Variants in SPATA13 observed in about 807,000 individuals in gnomAD.
The protein encoded by SPATA13 is spermatogenesis-associated protein 13.
Under a neutral mutation model 104.0 loss-of-function variants are expected in SPATA13, and 50 were observed. The observed-to-expected ratio is 0.48, with a 90% confidence interval of 0.38 to 0.61. The LOEUF is 0.61. Among genes scored for constraint, SPATA13 ranks in the 20% least tolerant of loss-of-function variants. The probability of loss-of-function intolerance (pLI) is 0.00; values close to 1 mark genes in which losing one functional copy is unlikely to be tolerated. For missense variants in SPATA13, 1,524 were observed against 1,690.6 expected (o/e 0.90, Z 1.73); for synonymous variants, 606 against 667.5 (o/e 0.91, Z 1.42).
chr13:24,032,395 A>C lies in SPATA13; in HGVS notation c.-112+14694A>C, dbSNP rs80301290. ...CTGTGATGTAACAAGTGTCATGGGA[A>C]TATTTCTTCTTAAACAGTCCACATG... On this transcript the variant is annotated intron_variant, in intron 3 of 14. Coordinates refer to the SPATA13 transcript ENST00000424834. Among the ~76,000 whole-genome samples, 1,362 of 152,336 alleles carry C rather than the reference A, an allele frequency of 8.9e-3. 23 individuals are homozygous for C. Among genetic ancestry groups the C allele is most frequent in the East Asian group, 0.077 (399 of 5,186 alleles).
At chr13:23,998,855 G>A (rs1875814575) in intron 2 of SPATA13, among the ~76,000 whole-genome samples, 1 of 151,246 alleles carries the variant, frequency 6.6e-6, no homozygotes, top group Non-Finnish European at 1.5e-5. Context: ...AATTATCTTT[G>A]CATTTTCATT....
intron 3 of SPATA13, among the ~76,000 whole-genome samples, chr13:24,073,072 A>G (rs1484852013): frequency 6.6e-6 from 1 of 152,086 alleles, no homozygotes; most frequent in South Asian, 2.1e-4. Flanking sequence ...GATAATGTCC[A>G]GTTTTTTTAA....
intron 2 of SPATA13, among the ~76,000 whole-genome samples, chr13:24,238,497 G>A (rs1321218460): frequency 6.6e-6 from 1 of 152,010 alleles, no homozygotes; most frequent in African/African-American, 2.4e-5. Context: ...GGCTGGTTGG[G>A]ATGGGCTAGT....
At chr13:24,067,497 T>C (rs907052389) in intron 3 of SPATA13, among the ~76,000 whole-genome samples, 25 of 152,308 alleles carry the variant, frequency 1.6e-4, no homozygotes, top group Admixed American at 4.6e-4. Context: ...ACATCAAAAA[T>C]ACAAGTAGAT....
chr13:24,121,512 A>G (rs1054056284), intron 3 of SPATA13, among the ~76,000 whole-genome samples: 5 of 152,202 alleles, frequency 3.3e-5, no homozygotes, highest in African/African-American at 1.2e-4. Context: ...AATGACCAAT[A>G]ATCTACATAG....
At chr13:24,019,598 T>C (rs1171502513) in intron 3 of SPATA13, among the ~76,000 whole-genome samples, 3 of 152,224 alleles carry the variant, frequency 2.0e-5, no homozygotes, top group Non-Finnish European at 1.5e-5. Flanking sequence ...GAGCAGAATA[T>C]TACTAGTGCA....
intron 3 of SPATA13, among the ~76,000 whole-genome samples, chr13:24,055,701 C>T (rs781272100): frequency 6.6e-6 from 1 of 152,180 alleles, no homozygotes; most frequent in Admixed American, 6.5e-5. Flanking sequence ...GCTAAGCCAC[C>T]CACTTTCCTA....
intron 1 of SPATA13, among the ~76,000 whole-genome samples, chr13:24,211,884 G>C (rs7325917): frequency 0.23 from 34,919 of 151,952 alleles, 4,388 homozygotes; most frequent in South Asian, 0.3. Flanking sequence ...CCCAACATCC[G>C]TCCTTTCTCT....
chr13:24,271,927 A>C (rs1874638365), intron 4 of SPATA13, among the ~76,000 whole-genome samples: 1 of 152,248 alleles, frequency 6.6e-6, no homozygotes, highest in Admixed American at 6.5e-5. Flanking sequence ...TATCAAAACA[A>C]GACTGGTGTG....
At chr13:24,298,986 G>A (rs984625803) in intron 11 of SPATA13, among the ~76,000 whole-genome samples, 2 of 152,132 alleles carry the variant, frequency 1.3e-5, no homozygotes, top group African/African-American at 4.8e-5. Context: ...TACACTAAGA[G>A]GAAATCTGAT....
chr13:24,049,566 C>A (rs1199701194), intron 3 of SPATA13, among the ~76,000 whole-genome samples: 1 of 151,866 alleles, frequency 6.6e-6, no homozygotes, highest in Non-Finnish European at 1.5e-5. Context: ...GTCACAGTAA[C>A]GTTTAAAATG....
upstream of SPATA13, among the ~76,000 whole-genome samples, chr13:24,158,534 C>T (rs557381683): frequency 2.6e-5 from 4 of 152,326 alleles, no homozygotes; most frequent in South Asian, 4.1e-4. Context: ...TGGACTGCGC[C>T]GCCTCTTCAT....
At chr13:24,218,723 A>AT (rs35673940) in intron 1 of SPATA13, among the ~76,000 whole-genome samples, 29,520 of 145,264 alleles carry the variant, frequency 0.2, 3,694 homozygotes, top group African/African-American at 0.35. Context: ...TTTTTTTGCG[A>AT]TTTTTTTTTT....
chr13:24,278,648 C>T, intron 4 of SPATA13: 1 of 1,492,628 alleles, frequency 6.7e-7, no homozygotes, highest in South Asian at 1.4e-5. Flanking sequence ...ACTTGAGGCT[C>T]AAAGCACACC....
At chr13:24,267,970 G>C (rs1874371779) in intron 4 of SPATA13, among the ~76,000 whole-genome samples, 1 of 152,230 alleles carries the variant, frequency 6.6e-6, no homozygotes, top group African/African-American at 2.4e-5. Flanking sequence ...TGCAGACCTG[G>C]GGCAGGGCCC....
At chr13:24,152,659 G>A (rs1344078595) in intron 3 of SPATA13, among the ~76,000 whole-genome samples, 2 of 152,192 alleles carry the variant, frequency 1.3e-5, no homozygotes, top group Non-Finnish European at 2.9e-5. Flanking sequence ...CCTTTTCAAA[G>A]TCCTGCTGTG....
intron 2 of SPATA13, among the ~76,000 whole-genome samples, chr13:24,245,710 G>A (rs746348372): frequency 2.7e-5 from 4 of 149,994 alleles, no homozygotes; most frequent in Non-Finnish European, 5.9e-5. Flanking sequence ...TCCTGCCTCG[G>A]CCTCCCAAGT....
intron 3 of SPATA13, among the ~76,000 whole-genome samples, chr13:24,030,939 T>G (rs1311203181): frequency 1.3e-5 from 2 of 152,224 alleles, no homozygotes; most frequent in Non-Finnish European, 2.9e-5. Flanking sequence ...AATAATTTGC[T>G]TAAGTCCACA....
chr13:24,048,411 A>G (rs1878220425), intron 3 of SPATA13, among the ~76,000 whole-genome samples: 1 of 152,100 alleles, frequency 6.6e-6, no homozygotes, highest in Admixed American at 6.6e-5. Flanking sequence ...TAAAGCACAA[A>G]TATAATGAAT....
Sources: gnomAD v4.1 joint callset for allele counts (sites outside exome capture counted in the v4.1 genomes callset) on GRCh38, gnomAD v4.1.1 for gene constraint, MANE v1.5 for transcripts, NCBI Gene and HGNC (gene_info 2026-07-23, HGNC 2026-07-21) for gene names.